Variants in FCAR observed in about 807,000 individuals in gnomAD.
FCAR encodes Fc alpha receptor.
In FCAR, 21 loss-of-function variants were observed where a neutral mutation model predicts 27.1. That is an observed-to-expected ratio of 0.77 (90% CI 0.55 to 1.11). The LOEUF is 1.11. Among genes scored for constraint, FCAR ranks in the 50% most tolerant of loss-of-function variants. The pLI is 0.00. For missense variants in FCAR, 404 were observed against 358.4 expected (o/e 1.13, Z -1.03); for synonymous variants, 134 against 135.8 (o/e 0.99, Z 0.09).
chr19:54,884,682 T>TG (rs1205213975), intron 2 of FCAR, among the ~76,000 whole-genome samples: 1 of 140,340 alleles, frequency 7.1e-6, no homozygotes, highest in Non-Finnish European at 1.5e-5. Flanking sequence ...GACTACTAGA[T>TG]GGGGGGGAAG....
chr19:54,888,463 C>G, intron 4 of FCAR, 169 bp downstream of exon 4: 2 of 1,430,574 alleles, frequency 1.4e-6, no homozygotes, highest in Non-Finnish European at 1.8e-6. Flanking sequence ...GCTTTCACTT[C>G]CTCGCTAGAG....
At chr19:54,883,339 T>C (rs1379562433) in intron 2 of FCAR, among the ~76,000 whole-genome samples, 1 of 152,124 alleles carries the variant, frequency 6.6e-6, no homozygotes, top group African/African-American at 2.4e-5. Context: ...GGTGACTCCC[T>C]CGCCTGGTCC....
chr19:54,889,628 C>T (rs759676800), intron 4 of FCAR, 21 bp from the exon 5 acceptor site: 1 of 1,590,980 alleles, frequency 6.3e-7, no homozygotes, highest in Admixed American at 1.7e-5. Context: ...AACCATTCAT[C>T]TCCTTGAATT....
At chr19:54,874,755 G>T (rs1442423623) in intron 1 of FCAR, among the ~76,000 whole-genome samples, 10 of 152,166 alleles carry the variant, frequency 6.6e-5, no homozygotes. Context: ...TTATCCAGAA[G>T]TTTTCTGTTT....
rs587729016 is a variant in FCAR, at chr19:54,876,605, T to A, written c.70+1240T>A. ...TGTGTGGGGAGGGTTGTTCTATTTA[T>A]GTGATGAATCATATTTAAGATTTGT... On this transcript the variant is annotated intron_variant, in intron 2 of 4. Coordinates refer to ENST00000355524, the MANE Select transcript of FCAR (RefSeq NM_002000.4). Among the ~76,000 whole-genome samples, 3 of 152,280 alleles carry A rather than the reference T, an allele frequency of 2.0e-5. No individual in the cohort carries two copies. The South Asian group carries it at 6.2e-4, about 32-fold the overall frequency.
intron 2 of FCAR, among the ~76,000 whole-genome samples, chr19:54,883,342 C>A (rs2066527250): frequency 6.6e-6 from 1 of 152,092 alleles, no homozygotes; most frequent in Non-Finnish European, 1.5e-5. Context: ...GACTCCCTCG[C>A]CTGGTCCATT....
intron 4 of FCAR, among the ~76,000 whole-genome samples, chr19:54,889,432 T>C (rs940184226): frequency 6.6e-6 from 1 of 150,440 alleles, no homozygotes; most frequent in South Asian, 2.1e-4. Flanking sequence ...TCCCAGTTTA[T>C]AGCACTTCCC....
chr19:54,880,030 G>A (rs148072617), intron 2 of FCAR, among the ~76,000 whole-genome samples: 2 of 151,736 alleles, frequency 1.3e-5, no homozygotes, highest in African/African-American at 4.8e-5. Context: ...TGATGATTTT[G>A]TGTCTTGGGG....
At chr19:54,888,460 C>G (rs2066883443) in intron 4 of FCAR, 166 bp downstream of exon 4, 3 of 1,431,546 alleles carry the variant, frequency 2.1e-6, no homozygotes, top group Non-Finnish European at 2.7e-6. Flanking sequence ...TCCGCTTTCA[C>G]TTCCTCGCTA....
chr19:54,885,175 A>T (rs903772458), intron 2 of FCAR, 60 bp from the exon 3 acceptor site: 1 of 1,421,170 alleles, frequency 7.0e-7, no homozygotes, highest in Admixed American at 2.0e-5. Context: ...TCCCACAGAG[A>T]AGGAAAGGAA....
intron 1 of FCAR, 73 bp downstream of exon 1, chr19:54,874,396 A>T: frequency 6.9e-7 from 1 of 1,456,540 alleles, no homozygotes; most frequent in Non-Finnish European, 9.6e-7. Context: ...GTCTCTTAAC[A>T]GTGTGACTAG....
intron 2 of FCAR, among the ~76,000 whole-genome samples, chr19:54,879,379 T>C (rs1001035036): frequency 6.6e-6 from 1 of 152,156 alleles, no homozygotes; most frequent in Non-Finnish European, 1.5e-5. Context: ...TATTGGCTGG[T>C]GATGGTCTTT....
chr19:54,882,708 G>A (rs1301625549), intron 2 of FCAR, among the ~76,000 whole-genome samples: 1 of 151,994 alleles, frequency 6.6e-6, no homozygotes, highest in Non-Finnish European at 1.5e-5. Flanking sequence ...CAAAGTGCTG[G>A]GATTACAGGT....
At chr19:54,876,389 C>T (rs1019126440) in intron 2 of FCAR, among the ~76,000 whole-genome samples, 2 of 152,202 alleles carry the variant, frequency 1.3e-5, no homozygotes, top group Admixed American at 6.5e-5. Context: ...TGAGAGACGG[C>T]ATCCATGTCT....
intron 2 of FCAR, among the ~76,000 whole-genome samples, chr19:54,879,676 ATTTTT>A (rs34625687): frequency 1.5e-5 from 2 of 129,194 alleles, no homozygotes; most frequent in African/African-American, 2.9e-5. Flanking sequence ...GCCTTTTCAC[ATTTTT>A]TTTTTTTTTT....
rs1471634972 is a variant in FCAR at position 54,888,249 on chromosome 19, T to C, written c.604T>C (p.Tyr202His). 6.2e-7 allele frequency: 1 copy of C among 1,614,178 alleles called. No homozygotes were observed. Among genetic ancestry groups the C allele is most frequent in the Admixed American group, 1.7e-5 (1 of 60,026 alleles). ...RCYGWYNRSP[Y>H]LWSFPSNALE... is the part of the protein sequence containing the mutation. ...CTACGGTTGGTACAACAGGAGCCCCTACCTGTGGTCCTTCCCCAGTAATGC... is the reference window on the plus strand; with the variant it reads ...CTACGGTTGGTACAACAGGAGCCCCCACCTGTGGTCCTTCCCCAGTAATGC... Residue 202 changes from tyrosine to histidine, a missense_variant, in exon 4 of 5, where the codon TAC (tyrosine) becomes CAC (histidine). By Grantham distance (83) the Tyr-to-His change is moderately conservative (BLOSUM62 2). Coordinates refer to ENST00000355524, the MANE Select transcript of FCAR (RefSeq NM_002000.4).
Position 54,888,254 on chromosome 19 carries a change from G to GT in FCAR, c.610dup (p.Trp204LeufsTer6). On this transcript the variant is annotated frameshift_variant, in exon 4 of 5. Transcript: ENST00000355524. LOFTEE classifies it high-confidence loss of function. ...GTTGGTACAACAGGAGCCCCTACCT[G>GT]TGGTCCTTCCCCAGTAATGCCTTGG... is the stretch of plus-strand genomic sequence containing the variant. 1.2e-6 allele frequency: 2 copies of GT among 1,614,190 alleles called. No homozygotes were observed. Among genetic ancestry groups the GT allele is most frequent in the Non-Finnish European group, 1.7e-6 (2 of 1,180,008 alleles).
intron 2 of FCAR, among the ~76,000 whole-genome samples, chr19:54,882,752 T>C (rs2066496427): frequency 6.6e-6 from 1 of 152,094 alleles, no homozygotes; most frequent in South Asian, 2.1e-4. Flanking sequence ...GTGTTGATTC[T>C]TTCTCTTGTG....
intron 3 of FCAR, among the ~76,000 whole-genome samples, chr19:54,887,252 G>A (rs2066789263): frequency 6.6e-6 from 1 of 152,178 alleles, no homozygotes; most frequent in Non-Finnish European, 1.5e-5. Flanking sequence ...CGAGGCTGCA[G>A]TGAGCCGTGA....
Sources: allele counts gnomAD v4.1 joint callset (sites outside exome capture counted in the v4.1 genomes callset), GRCh38; gene constraint gnomAD v4.1.1; transcripts MANE v1.5; gene names NCBI Gene and HGNC (gene_info 2026-07-23, HGNC 2026-07-21).